Variants in PINX1 observed in about 807,000 individuals in gnomAD.
The protein encoded by PINX1 is PIN2 (TERF1) interacting telomerase inhibitor 1.
A neutral mutation model predicts 25.4 loss-of-function variants in PINX1; 34 were observed. That is an observed-to-expected ratio of 1.34 (90% confidence interval 1.02 to 1.78). PINX1 has a LOEUF of 1.78. Ranked by LOEUF, PINX1 falls within the 40% of genes most tolerant of loss-of-function variation. The pLI, the probability that PINX1 is intolerant of heterozygous loss-of-function variation, is 0.00. For missense variants in PINX1, 592 were observed against 404.9 expected (o/e 1.46, Z -3.97); for synonymous variants, 197 against 147.7 (o/e 1.33, Z -2.42).
At chr8:10,833,494 G>T (rs13259648) in intron 2 of PINX1, 30,887 of 155,734 alleles carry the variant, frequency 0.2, 4,096 homozygotes, top group Non-Finnish European at 0.27. Context: ...TGACCAGTCA[G>T]TGAGCTCAAG....
chr8:10,802,542 A>C (rs1351886101), intron 6 of PINX1, among the ~76,000 whole-genome samples: 2 of 152,216 alleles, frequency 1.3e-5, no homozygotes, highest in African/African-American at 2.4e-5. Flanking sequence ...CTTTGCCAGA[A>C]TCCAGTATCA....
chr8:10,783,087 T>G (rs1801639996), intron 6 of PINX1, among the ~76,000 whole-genome samples: 2 of 152,180 alleles, frequency 1.3e-5, no homozygotes, highest in South Asian at 4.1e-4. Context: ...AAAAGATATA[T>G]CAACCAATTG....
At chr8:10,766,018 A>G in intron 6 of PINX1, 102 bp from the exon 7 acceptor site, 2 of 1,155,878 alleles carry the variant, frequency 1.7e-6, no homozygotes, top group Non-Finnish European at 2.5e-6. Context: ...TGGCACCCAC[A>G]CCCGGCGCTC....
intron 6 of PINX1, among the ~76,000 whole-genome samples, chr8:10,803,376 G>C (rs1455822806): frequency 6.6e-6 from 1 of 152,174 alleles, no homozygotes; most frequent in Non-Finnish European, 1.5e-5. Context: ...TTCCTCACCA[G>C]CTCATGGACG....
intron 6 of PINX1, among the ~76,000 whole-genome samples, chr8:10,799,900 C>G (rs561055516): frequency 3.3e-5 from 5 of 152,200 alleles, no homozygotes; most frequent in African/African-American, 7.2e-5. Context: ...CAACCACGGT[C>G]TGAGTTAGTC....
At chr8:10,821,417 G>A (rs1176787819) in intron 5 of PINX1, among the ~76,000 whole-genome samples, 1 of 152,210 alleles carries the variant, frequency 6.6e-6, no homozygotes, top group East Asian at 1.9e-4. Flanking sequence ...CAGGCGGTAT[G>A]ACCTGTTCCT....
At chr8:10,809,063 A>T (rs537242300) in intron 6 of PINX1, among the ~76,000 whole-genome samples, 1 of 152,362 alleles carries the variant, frequency 6.6e-6, no homozygotes, top group South Asian at 2.1e-4. Flanking sequence ...TTAATTAGCC[A>T]ATCAGAGGAC....
At chr8:10,834,069 G>C (rs1798316461) in intron 2 of PINX1, among the ~76,000 whole-genome samples, 1 of 152,140 alleles carries the variant, frequency 6.6e-6, no homozygotes. Context: ...GCAAGGGAAT[G>C]AATGAGATCA....
intron 3 of PINX1, among the ~76,000 whole-genome samples, 167 bp from the exon 4 acceptor site, chr8:10,831,910 G>T (rs887489535): frequency 1.3e-5 from 2 of 152,174 alleles, no homozygotes; most frequent in African/African-American, 4.8e-5. Context: ...ATAATATAAA[G>T]TTAAAATGCT....
At chr8:10,786,646 A>T (rs1411945473) in intron 6 of PINX1, among the ~76,000 whole-genome samples, 1 of 152,156 alleles carries the variant, frequency 6.6e-6, no homozygotes, top group East Asian at 1.9e-4. Flanking sequence ...CCCCCTCCAA[A>T]GATCTGGGGC....
chr8:10,834,072 T>A (rs1198962388), intron 2 of PINX1, among the ~76,000 whole-genome samples: 2 of 152,070 alleles, frequency 1.3e-5, no homozygotes, highest in Non-Finnish European at 2.9e-5. Context: ...AGGGAATGAA[T>A]GAGATCACTG....
At chr8:10,829,620 G>A (rs1019447813) in intron 4 of PINX1, among the ~76,000 whole-genome samples, 1 of 152,012 alleles carries the variant, frequency 6.6e-6, no homozygotes. Flanking sequence ...TAACTCTGGT[G>A]TTTGTCTCTA....
At chr8:10,814,614 A>G (rs1797637164) in intron 6 of PINX1, among the ~76,000 whole-genome samples, 1 of 152,260 alleles carries the variant, frequency 6.6e-6, no homozygotes, top group African/African-American at 2.4e-5. Context: ...TAGATTGTGC[A>G]TGGCGTAGAA....
At chr8:10,790,187 G>A (rs991511236) in intron 6 of PINX1, among the ~76,000 whole-genome samples, 13 of 152,154 alleles carry the variant, frequency 8.5e-5, no homozygotes, top group South Asian at 2.1e-4. Flanking sequence ...ACACCCCACC[G>A]GCTTGTGTCT....
chr8:10,766,022 G>A (rs1008153771), intron 6 of PINX1, 106 bp from the exon 7 acceptor site: 9 of 1,092,838 alleles, frequency 8.2e-6, no homozygotes, highest in African/African-American at 4.7e-5. Context: ...ACCCACACCC[G>A]GCGCTCACAC....
In PINX1 at chr8:10,765,754, C is replaced by T; in HGVS notation, c.634G>A (p.Gly212Arg). ...ISETQVERKRGKKRNKEATGK... is the reference protein window; with the variant it reads ...ISETQVERKRRKKRNKEATGK... ...GTGGCCTCTTTATTTCTTTTCTTCC[C>T]CCTTTTACGTTCCACCTGCGTCTCA... Residue 212 changes from glycine to arginine, a missense_variant, in exon 7 of 7, where the codon GGG becomes AGG. By Grantham distance (125) the Gly-to-Arg change is moderately radical. Coordinates refer to ENST00000314787, the MANE Select transcript of PINX1 (RefSeq NM_017884.6). 1.2e-6 allele frequency: 2 copies of T among 1,613,952 alleles called. No individual in the cohort carries two copies. The highest frequency in any genetic ancestry group is 1.7e-6 in the Non-Finnish European group (2 of 1,179,890).
intron 6 of PINX1, among the ~76,000 whole-genome samples, chr8:10,810,251 A>G (rs1173050065): frequency 6.6e-6 from 1 of 152,180 alleles, no homozygotes; most frequent in African/African-American, 2.4e-5. Flanking sequence ...CAGACAAGAC[A>G]CTACTGTTTC....
At chr8:10,811,788 T>A (rs773628922) in intron 6 of PINX1, among the ~76,000 whole-genome samples, 1 of 152,080 alleles carries the variant, frequency 6.6e-6, no homozygotes, top group African/African-American at 2.4e-5. Context: ...CATGAAAGCT[T>A]CAAGAGCAAG....
At chr8:10,816,293 C>T (rs2129084540) in intron 6 of PINX1, among the ~76,000 whole-genome samples, 1 of 152,324 alleles carries the variant, frequency 6.6e-6, no homozygotes, top group Middle Eastern at 3.4e-3. Context: ...ATGAAGGGTA[C>T]ACAGAACCCC....
Sources: allele counts gnomAD v4.1 joint callset (sites outside exome capture counted in the v4.1 genomes callset), GRCh38; gene constraint gnomAD v4.1.1; transcripts MANE v1.5; gene names NCBI Gene and HGNC (gene_info 2026-07-23, HGNC 2026-07-21).